Variants in ANO4 observed in about 807,000 individuals in gnomAD.
The protein encoded by ANO4 is anoctamin-4.
Under a neutral mutation model 141.9 loss-of-function variants are expected in ANO4, and 69 were observed. The ratio of observed to expected loss-of-function variants is 0.49; its 90% CI spans 0.40 to 0.59. The LOEUF is 0.59. Ranked by LOEUF, ANO4 falls within the 20% of genes least tolerant of loss-of-function variation. The pLI is 0.00. For synonymous variants in ANO4, 350 were observed against 394.3 expected (o/e 0.89, Z 1.33); for missense variants, 894 against 1,162.2 (o/e 0.77, Z 3.36).
At chr12:100,824,459 A>G (rs1479503249) in intron 1 of ANO4, among the ~76,000 whole-genome samples, 1 of 152,050 alleles carries the variant, frequency 6.6e-6, no homozygotes, top group Non-Finnish European at 1.5e-5. Context: ...TTAGCCAAAC[A>G]TTCTATTTAG....
chr12:100,856,881 A>T (rs1194834020), intron 1 of ANO4, among the ~76,000 whole-genome samples: 1 of 152,084 alleles, frequency 6.6e-6, no homozygotes, highest in African/African-American at 2.4e-5. Context: ...GCTGCTGAGG[A>T]TCTTAAAATA....
chr12:100,824,966 G>C (rs965396713), intron 1 of ANO4, among the ~76,000 whole-genome samples: 1 of 151,972 alleles, frequency 6.6e-6, no homozygotes, highest in South Asian at 2.1e-4. Flanking sequence ...AGTATTTCAT[G>C]CAAATTGTGC....
At chr12:100,935,218 G>T (rs1302269479) in intron 3 of ANO4, among the ~76,000 whole-genome samples, 8 of 152,140 alleles carry the variant, frequency 5.3e-5, no homozygotes, top group African/African-American at 1.9e-4. Context: ...GTATGATATT[G>T]GCTGTGGGTT....
chr12:100,758,880 C>A (rs1593281269), intron 3 of ANO4, among the ~76,000 whole-genome samples: 1 of 152,102 alleles, frequency 6.6e-6, no homozygotes, highest in South Asian at 2.1e-4. Flanking sequence ...GTTTCTACCT[C>A]TGTCTACACA....
chr12:100,982,430 G>A (rs607435), intron 7 of ANO4, among the ~76,000 whole-genome samples: 22,005 of 152,138 alleles, frequency 0.14, 1,776 homozygotes, highest in East Asian at 0.25. Flanking sequence ...GTAAATTTCA[G>A]GGTTAACTAT....
intron 5 of ANO4, among the ~76,000 whole-genome samples, chr12:100,945,472 G>A (rs1197142737): frequency 1.8e-4 from 28 of 152,136 alleles, no homozygotes; most frequent in Non-Finnish European, 4.4e-5. Context: ...TGAAGTCCAG[G>A]TGATTTACTT....
intron 7 of ANO4, among the ~76,000 whole-genome samples, chr12:100,976,031 AG>A (rs2044177287): frequency 6.6e-6 from 1 of 150,564 alleles, no homozygotes; most frequent in South Asian, 2.1e-4. Flanking sequence ...TTGAGGAGCT[AG>A]GGAGAAGGGG....
intron 3 of ANO4, among the ~76,000 whole-genome samples, chr12:100,934,688 G>A (rs1253092887): frequency 6.6e-6 from 1 of 152,066 alleles, no homozygotes; most frequent in Admixed American, 6.5e-5. Flanking sequence ...GGGCAGTATG[G>A]CCATTTTCAT....
At chr12:100,999,018 G>A (rs1692185098) in intron 8 of ANO4, among the ~76,000 whole-genome samples, 1 of 152,206 alleles carries the variant, frequency 6.6e-6, no homozygotes, top group South Asian at 2.1e-4. Context: ...ATGTCAAACA[G>A]TTGGTAAGAG....
At chr12:100,993,998 T>C (rs2045259201) in intron 8 of ANO4, among the ~76,000 whole-genome samples, 1 of 152,198 alleles carries the variant, frequency 6.6e-6, no homozygotes, top group African/African-American at 2.4e-5. Flanking sequence ...AACTCCTTGT[T>C]GTAGGGAAGA....
chr12:100,734,420 C>T lies in ANO4; in HGVS notation c.106+563C>T, dbSNP rs566443196. ...TTTGGTTGAATCCTTCTTCTCCTTT[C>T]CATTTCCTTTCAAAACTTTCTTGAT... On this transcript the variant is annotated intron_variant, in intron 2 of 29. Coordinates refer to the ANO4 transcript ENST00000644049. Among the ~76,000 whole-genome samples, 51 of 152,272 alleles carry T rather than the reference C, an allele frequency of 3.3e-4. No homozygotes were observed. In the East Asian group the frequency reaches 3.9e-3, roughly 12 times the overall value.
At chr12:100,987,317 A>G (rs942854141) in intron 7 of ANO4, 8 of 527,336 alleles carry the variant, frequency 1.5e-5, no homozygotes, top group Admixed American at 2.8e-5. Context: ...CACAGCTGCT[A>G]TTTCACAAAC....
At chr12:100,958,300 A>C (rs1354998088) in intron 5 of ANO4, among the ~76,000 whole-genome samples, 1 of 152,222 alleles carries the variant, frequency 6.6e-6, no homozygotes, top group Non-Finnish European at 1.5e-5. Flanking sequence ...CGTCCTCTCT[A>C]TAAAAATCAA....
intron 8 of ANO4, among the ~76,000 whole-genome samples, chr12:101,004,691 G>C (rs2045799802): frequency 6.6e-6 from 1 of 152,110 alleles, no homozygotes; most frequent in Non-Finnish European, 1.5e-5. Context: ...TTTACAATTT[G>C]AACTTTAATC....
intron 3 of ANO4, among the ~76,000 whole-genome samples, chr12:100,753,740 A>G (rs1265381946): frequency 6.6e-6 from 1 of 152,228 alleles, no homozygotes; most frequent in Non-Finnish European, 1.5e-5. Flanking sequence ...TCATGAAATT[A>G]GATATCTAAA....
intron 1 of ANO4, among the ~76,000 whole-genome samples, chr12:100,836,140 T>C (rs1315836610): frequency 6.6e-6 from 1 of 152,134 alleles, no homozygotes; most frequent in African/African-American, 2.4e-5. Flanking sequence ...GCATATACGT[T>C]TTACTTCCTT....
At chr12:100,897,260 T>A (rs1412424576) in intron 1 of ANO4, among the ~76,000 whole-genome samples, 1 of 152,202 alleles carries the variant, frequency 6.6e-6, no homozygotes, top group African/African-American at 2.4e-5. Context: ...CTGGACCCCA[T>A]CTTCTCAGCT....
chr12:100,910,904 AC>A (rs1443513020), intron 2 of ANO4, among the ~76,000 whole-genome samples: 1 of 151,872 alleles, frequency 6.6e-6, no homozygotes, highest in Non-Finnish European at 1.5e-5. Context: ...ACTTTTTAAA[AC>A]CTATGGCCCT....
Position 100,921,522 on chromosome 12 carries a change from A to G in ANO4, c.56-704A>G, listed in dbSNP as rs181745909. 6.8e-4 allele frequency among the ~76,000 whole-genome samples: 104 copies of G among 152,226 alleles called. 1 individual carries two copies. The East Asian group carries it at 0.017, about 25-fold the overall frequency. On this transcript the variant is annotated intron_variant, in intron 2 of 27. Transcript: ENST00000392977. Reference sequence around the variant, plus strand: ...TTACTGATTACTTTAAGAAGCTTTTAGAAGGTTTGGAAGGTTTATTGTTCG... The same window carrying G: ...TTACTGATTACTTTAAGAAGCTTTTGGAAGGTTTGGAAGGTTTATTGTTCG...
Sources: allele counts gnomAD v4.1 joint callset (sites outside exome capture counted in the v4.1 genomes callset), GRCh38; gene constraint gnomAD v4.1.1; transcripts MANE v1.5; gene names NCBI Gene and HGNC (gene_info 2026-07-23, HGNC 2026-07-21).